The following TXNDC16 variants were observed in gnomAD, a reference collection of about 807,000 sequenced individuals.
TXNDC16 encodes thioredoxin domain-containing protein 16.
A neutral mutation model predicts 85.6 loss-of-function variants in TXNDC16; 74 were observed. The observed-to-expected ratio is 0.86, with a 90% confidence interval of 0.72 to 1.05. TXNDC16 has a LOEUF of 1.05. Among genes scored for constraint, TXNDC16 ranks in the 50% least tolerant of loss-of-function variants. The probability of loss-of-function intolerance (pLI) is 0.00; values close to 1 mark genes in which losing one functional copy is unlikely to be tolerated. For synonymous variants in TXNDC16, 335 were observed against 326.5 expected, an observed-to-expected ratio of 1.03 and a Z score of -0.28; for missense variants, 959 against 947.0, an observed-to-expected ratio of 1.01 and a Z score of -0.17.
At chr14:52,515,737 A>G (rs1594746882) in intron 7 of TXNDC16, among the ~76,000 whole-genome samples, 1 of 150,764 alleles carries the variant, frequency 6.6e-6, no homozygotes, top group Admixed American at 6.6e-5. Flanking sequence ...TATATATAAT[A>G]AGAGTTTTAG....
chr14:52,482,982 G>A lies in TXNDC16; in HGVS notation c.1109-17C>T. The A allele has an allele frequency of 6.3e-7, 1 of 1,586,510 alleles. No individual in the cohort carries two copies. Among genetic ancestry groups the A allele is most frequent in the Non-Finnish European group, 8.5e-7 (1 of 1,170,326 alleles). ...CCTGAACATCTAAAATGTTGGAAAA[G>A]AAATTAATTTAAATATTGATGTATA... On this transcript the variant is annotated splice_polypyrimidine_tract_variant and intron_variant, in intron 12 of 20. Coordinates refer to ENST00000281741, the MANE Select transcript of TXNDC16 (RefSeq NM_020784.3).
intron 9 of TXNDC16, among the ~76,000 whole-genome samples, chr14:52,494,375 G>C (rs1284394247): frequency 6.6e-6 from 1 of 152,134 alleles, no homozygotes; most frequent in Non-Finnish European, 1.5e-5. Context: ...GCAATGTTGT[G>C]AGAGGGCCAT....
intron 14 of TXNDC16, among the ~76,000 whole-genome samples, chr14:52,478,270 T>C (rs1377514010): frequency 6.6e-6 from 1 of 151,942 alleles, no homozygotes; most frequent in African/African-American, 2.4e-5. Flanking sequence ...CTCTAGGAAC[T>C]AGAGAAACAA....
At chr14:52,549,141 G>A (rs1170885423) in intron 1 of TXNDC16, among the ~76,000 whole-genome samples, 2 of 152,210 alleles carry the variant, frequency 1.3e-5, no homozygotes, top group African/African-American at 2.4e-5. Flanking sequence ...CCAACTACAT[G>A]TAGACTTTGA....
intron 12 of TXNDC16, among the ~76,000 whole-genome samples, chr14:52,486,891 A>G (rs1180270431): frequency 1.3e-5 from 2 of 152,216 alleles, no homozygotes; most frequent in African/African-American, 4.8e-5. Flanking sequence ...TGACCTGATC[A>G]CCATACATTG....
chr14:52,453,711 G>A (rs925063203), intron 18 of TXNDC16, among the ~76,000 whole-genome samples: 4 of 152,044 alleles, frequency 2.6e-5, no homozygotes, highest in African/African-American at 9.7e-5. Flanking sequence ...TGAAAAAACT[G>A]GATATCCATA....
At chr14:52,474,904 T>C (rs1174152511) in intron 14 of TXNDC16, among the ~76,000 whole-genome samples, 2 of 151,938 alleles carry the variant, frequency 1.3e-5, no homozygotes, top group African/African-American at 2.4e-5. Flanking sequence ...AGCAATACAT[T>C]AGGAAAGCCA....
intron 6 of TXNDC16, among the ~76,000 whole-genome samples, chr14:52,524,846 C>G (rs1354873861): frequency 6.6e-6 from 1 of 151,228 alleles, no homozygotes; most frequent in African/African-American, 2.4e-5. Context: ...ATGGGCTGGG[C>G]GTGGTGGCTC....
intron 4 of TXNDC16, among the ~76,000 whole-genome samples, chr14:52,540,186 C>T (rs1048364485): frequency 3.3e-5 from 5 of 152,184 alleles, no homozygotes; most frequent in African/African-American, 4.8e-5. Flanking sequence ...GACTAGAATA[C>T]GTAGCCCATT....
intron 4 of TXNDC16, among the ~76,000 whole-genome samples, chr14:52,538,436 C>T (rs764750170): frequency 1.3e-5 from 2 of 152,078 alleles, no homozygotes; most frequent in African/African-American, 4.8e-5. Flanking sequence ...ATCTTGGCAA[C>T]AACATGAAGA....
At position 52,490,942 on chromosome 14, in the gene TXNDC16, C is replaced by G. The variant is rs757844946; in HGVS notation, c.820G>C (p.Val274Leu). 6.2e-7 allele frequency: 1 copy of G among 1,611,130 alleles called. No individual in the cohort carries two copies. Among genetic ancestry groups the G allele is most frequent in the Non-Finnish European group, 8.5e-7 (1 of 1,179,400 alleles). Residue 274 changes from valine (V) to leucine (L), a missense_variant, in exon 10 of 21, where the codon GTT becomes CTT. By Grantham distance (32) the Val-to-Leu change is conservative. Transcript: ENST00000281741. ...TVHLQLGLPL[V>L]FIVSQQATYE... ...GTAGCCTGTTGGCTAACAATAAAAACCAGTGGTAAGCCCAGTTGGAGATGG... is the reference window on the plus strand; with the variant it reads ...GTAGCCTGTTGGCTAACAATAAAAAGCAGTGGTAAGCCCAGTTGGAGATGG...
chr14:52,482,785 C>T (rs771212595), intron 13 of TXNDC16, 37 bp downstream of exon 13: 2 of 1,537,584 alleles, frequency 1.3e-6, no homozygotes, highest in South Asian at 2.5e-5. Flanking sequence ...TTTTAAATGT[C>T]CTAATATGTA....
chr14:52,475,537 T>G (rs2036001555), intron 14 of TXNDC16, among the ~76,000 whole-genome samples: 1 of 152,072 alleles, frequency 6.6e-6, no homozygotes, highest in Non-Finnish European at 1.5e-5. Context: ...GTGAGGCCTG[T>G]GACTGCCGGC....
intron 9 of TXNDC16, among the ~76,000 whole-genome samples, chr14:52,505,629 G>A (rs1201316110): frequency 6.6e-6 from 1 of 152,134 alleles, no homozygotes; most frequent in Non-Finnish European, 1.5e-5. Context: ...ATCTAAAATT[G>A]ACACCCTAAC....
At chr14:52,520,093 G>A (rs1239504636) in intron 6 of TXNDC16, among the ~76,000 whole-genome samples, 1 of 152,142 alleles carries the variant, frequency 6.6e-6, no homozygotes, top group African/African-American at 2.4e-5. Context: ...GAAAGAAAAA[G>A]TAGGGCAGGA....
chr14:52,490,844 C>G lies in TXNDC16; in HGVS notation c.918G>C (p.Leu306Phe), dbSNP rs1215354924. 2 of 1,608,296 alleles carry G rather than the reference C, an allele frequency of 1.2e-6. No homozygotes were observed. The highest frequency in any genetic ancestry group is 1.7e-6 in the Non-Finnish European group (2 of 1,178,652). ...ATATTCGATGTTTAAGATACCTTAA[C>G]AAGAGTAGAACTCCTGCTTTTCCCA... ...RLLGKAGVLL[L>F]LRDSLEVNIP... is the part of the protein sequence containing the mutation. Residue 306 changes from leucine (L) to phenylalanine (F), a missense_variant, in exon 10 of 21, where the codon TTG (leucine) becomes TTC (phenylalanine). Coordinates refer to ENST00000281741, the MANE Select transcript of TXNDC16 (RefSeq NM_020784.3).
intron 16 of TXNDC16, among the ~76,000 whole-genome samples, chr14:52,464,224 G>C (rs2035719150): frequency 6.6e-6 from 1 of 152,150 alleles, no homozygotes; most frequent in Admixed American, 6.5e-5. Flanking sequence ...GGATTAATCA[G>C]CATCCTAACT....
intron 12 of TXNDC16, among the ~76,000 whole-genome samples, chr14:52,484,199 G>GT (rs1555337214): frequency 2.5e-5 from 1 of 39,926 alleles, no homozygotes; most frequent in Non-Finnish European, 5.0e-5. Context: ...AAAACAATAA[G>GT]GGGGGGGGGT....
intron 4 of TXNDC16, 127 bp from the exon 5 acceptor site, chr14:52,537,799 T>C: frequency 1.6e-6 from 1 of 609,584 alleles, no homozygotes. Flanking sequence ...TATGTTTTTT[T>C]CTGATTTGTA....
Sources: gnomAD v4.1 joint callset for allele counts (sites outside exome capture counted in the v4.1 genomes callset) on GRCh38, gnomAD v4.1.1 for gene constraint, MANE v1.5 for transcripts, NCBI Gene and HGNC (gene_info 2026-07-23, HGNC 2026-07-21) for gene names.